Variants in FBXO34 observed in about 807,000 individuals in gnomAD.
FBXO34 encodes F-box protein 34.
A neutral mutation model predicts 24.5 loss-of-function variants in FBXO34; 12 were observed. The observed-to-expected ratio is 0.49, with a 90% CI of 0.31 to 0.79. The LOEUF is 0.79. FBXO34 is among the 30% of genes least tolerant of loss of function. FBXO34 has a pLI of 0.04. For synonymous variants in FBXO34, 320 were observed against 311.9 expected (o/e 1.03, Z -0.27); for missense variants, 823 against 857.7 (o/e 0.96, Z 0.51).
At chr14:55,383,060 A>G in the FBXO34 span, among the ~76,000 whole-genome samples, 1 of 152,144 alleles carries the variant, frequency 6.6e-6, no homozygotes, top group Admixed American at 6.5e-5. Flanking sequence ...CATCCCACAA[A>G]AAGAGCAGCT....
At chr14:55,293,551 G>GTAC (rs2139683426) in intron 1 of FBXO34, among the ~76,000 whole-genome samples, 1 of 151,774 alleles carries the variant, frequency 6.6e-6, no homozygotes, top group East Asian at 1.9e-4. Flanking sequence ...GATACTTTGA[G>GTAC]TACAGTATCG....
chr14:55,348,534 C>G lies in FBXO34; in HGVS notation c.-10-1847C>G, dbSNP rs150566284. ...CTGAGTGCCTGCCATATGGCAGCCT[C>G]TATGGTAACTGTTTTCAGATACCAG... On this transcript the variant is annotated intron_variant, in intron 1 of 1. Transcript: ENST00000313833. Among the ~76,000 whole-genome samples, 192 of 152,174 alleles carry G rather than the reference C, an allele frequency of 1.3e-3. 1 individual carries two copies. The highest frequency in any genetic ancestry group is 9.6e-3 in the Admixed American group (147 of 15,282).
intron 1 of FBXO34, among the ~76,000 whole-genome samples, chr14:55,313,051 C>G (rs1882801844): frequency 6.6e-6 from 1 of 152,154 alleles, no homozygotes. Context: ...CCTTTTTAAA[C>G]TTAAGTTCCA....
intron 1 of FBXO34, among the ~76,000 whole-genome samples, chr14:55,328,476 A>C (rs960348275): frequency 2.6e-5 from 4 of 152,236 alleles, no homozygotes; most frequent in Non-Finnish European, 4.4e-5. Context: ...CACATTGGGA[A>C]GCCTAGACAG....
the FBXO34 span, chr14:55,385,854 T>C: frequency 3.8e-6 from 6 of 1,599,894 alleles, no homozygotes; most frequent in East Asian, 1.1e-4. Flanking sequence ...ACTTGCTTAA[T>C]GTACCTCACA....
chr14:55,329,690 T>C (rs1883468654), intron 1 of FBXO34, among the ~76,000 whole-genome samples: 2 of 152,202 alleles, frequency 1.3e-5, no homozygotes, highest in African/African-American at 2.4e-5. Flanking sequence ...GCATTTTGGC[T>C]TGAAGTCCTT....
chr14:55,279,737 A>T (rs1335683616), intron 1 of FBXO34, among the ~76,000 whole-genome samples: 5 of 152,154 alleles, frequency 3.3e-5, no homozygotes, highest in Admixed American at 2.0e-4. Context: ...TAATTAGTTT[A>T]GCCAGCCTGG....
the FBXO34 span, among the ~76,000 whole-genome samples, chr14:55,411,367 G>A: frequency 6.6e-6 from 1 of 152,196 alleles, no homozygotes; most frequent in Admixed American, 6.5e-5. Context: ...AGAGCACCGT[G>A]GGGTCAAACT....
chr14:55,323,684 A>T (rs984455500), intron 1 of FBXO34, among the ~76,000 whole-genome samples: 1 of 152,142 alleles, frequency 6.6e-6, no homozygotes, highest in African/African-American at 2.4e-5. Context: ...CTTGGCCAAA[A>T]ATTTTTGTTT....
intron 1 of FBXO34, among the ~76,000 whole-genome samples, chr14:55,278,283 A>G (rs910236625): frequency 6.6e-6 from 1 of 152,190 alleles, no homozygotes; most frequent in African/African-American, 2.4e-5. Context: ...AGATTCCCTC[A>G]CTGTGACGAA....
the FBXO34 span, chr14:55,436,998 C>A: frequency 0.081 from 131,363 of 1,613,816 alleles, 5,675 homozygotes; most frequent in Non-Finnish European, 0.091. Context: ...ACAGGGGAGA[C>A]CTGGGTGGGG....
intron 1 of FBXO34, among the ~76,000 whole-genome samples, chr14:55,301,906 T>C (rs1313749554): frequency 6.6e-6 from 1 of 152,220 alleles, no homozygotes; most frequent in African/African-American, 2.4e-5. Context: ...CCTACTCTTC[T>C]GGTGTCTGTC....
the FBXO34 span, chr14:55,414,480 A>C: frequency 1.3e-6 from 2 of 1,502,280 alleles, no homozygotes; most frequent in South Asian, 1.3e-5. Context: ...AGGTTTATAT[A>C]ATTTTTAATA....
chr14:55,289,609 C>G (rs986216697), intron 1 of FBXO34, among the ~76,000 whole-genome samples: 1 of 152,180 alleles, frequency 6.6e-6, no homozygotes, highest in African/African-American at 2.4e-5. Flanking sequence ...GATCACAGTT[C>G]AGTGCAGCCA....
the FBXO34 span, among the ~76,000 whole-genome samples, chr14:55,408,747 G>A: frequency 2.0e-5 from 3 of 152,080 alleles, no homozygotes; most frequent in South Asian, 2.1e-4. Context: ...CTCCAGCCTC[G>A]GTGACAGAGC....
the FBXO34 span, chr14:55,414,419 T>G: frequency 6.2e-7 from 1 of 1,609,290 alleles, no homozygotes; most frequent in Non-Finnish European, 8.5e-7. Flanking sequence ...ATAGATGTTT[T>G]CAAATGCTTC....
At chr14:55,302,596 T>C (rs2139715232) in intron 1 of FBXO34, among the ~76,000 whole-genome samples, 1 of 152,176 alleles carries the variant, frequency 6.6e-6, no homozygotes, top group African/African-American at 2.4e-5. Context: ...TGGCCCGTAT[T>C]ATCTTGTTCG....
At chr14:55,421,059 T>TTA in the FBXO34 span, among the ~76,000 whole-genome samples, 1 of 27,512 alleles carries the variant, frequency 3.6e-5, no homozygotes, top group Non-Finnish European at 8.7e-5. Flanking sequence ...AGAATCTGTC[T>TTA]CAAAAAAAAA....
the FBXO34 span, among the ~76,000 whole-genome samples, chr14:55,403,278 AC>A: frequency 6.6e-6 from 1 of 152,098 alleles, no homozygotes; most frequent in South Asian, 2.1e-4. Flanking sequence ...CTTCACTGCA[AC>A]GAATGATTCT....
Sources: gnomAD v4.1 joint callset for allele counts (sites outside exome capture counted in the v4.1 genomes callset) on GRCh38, gnomAD v4.1.1 for gene constraint, MANE v1.5 for transcripts, NCBI Gene and HGNC (gene_info 2026-07-23, HGNC 2026-07-21) for gene names.